Variants in TRPM8 observed in about 807,000 individuals in gnomAD.
TRPM8 encodes transient receptor potential cation channel subfamily M member 8, also known as TRPM8 cationic channel.
TRPM8 carries 110 observed loss-of-function variants against 133.7 expected under a neutral mutation model. The ratio of observed to expected loss-of-function variants is 0.82; its 90% CI spans 0.70 to 0.96. The LOEUF is 0.96. TRPM8 is among the 40% of genes least tolerant of loss of function. TRPM8 has a pLI of 0.00. For synonymous variants in TRPM8, 535 were observed against 532.3 expected (o/e 1.01, Z -0.07); for missense variants, 1,291 against 1,379.5 (o/e 0.94, Z 1.02).
chr2:233,987,883 T>C (rs1692185928), intron 21 of TRPM8, among the ~76,000 whole-genome samples: 2 of 152,122 alleles, frequency 1.3e-5, no homozygotes, highest in Non-Finnish European at 2.9e-5. Flanking sequence ...CCTGCTGCCA[T>C]CCACGTAAGA....
chr2:233,996,077 A>G (rs1692393283), intron 21 of TRPM8, among the ~76,000 whole-genome samples: 1 of 150,670 alleles, frequency 6.6e-6, no homozygotes, highest in African/African-American at 2.4e-5. Context: ...AAGTTTGTTG[A>G]GCATTTTTTT....
chr2:233,919,386 A>G (rs879722883), intron 1 of TRPM8, among the ~76,000 whole-genome samples: 2 of 152,146 alleles, frequency 1.3e-5, no homozygotes, highest in Non-Finnish European at 2.9e-5. Flanking sequence ...AATGTTGTTA[A>G]GATGACAATC....
At chr2:233,946,649 A>G (rs1211162755) in intron 7 of TRPM8, among the ~76,000 whole-genome samples, 1 of 152,244 alleles carries the variant, frequency 6.6e-6, no homozygotes, top group Non-Finnish European at 1.5e-5. Flanking sequence ...AATGTTGTCA[A>G]TTATTTTCCT....
chr2:233,947,679 G>T lies in TRPM8; in HGVS notation c.942+524G>T, dbSNP rs908635024. 17 of 1,130,906 alleles carry T rather than the reference G, an allele frequency of 1.5e-5. No individual in the cohort carries two copies. In the African/African-American group the frequency reaches 2.7e-4, roughly 18 times the overall value. 70.1% of individuals were successfully genotyped at this position (1,130,906 alleles called of 1,614,324 possible). On this transcript the variant is annotated intron_variant, in intron 8 of 25. Transcript: ENST00000324695. ...CCTGCAACACTGAGCAACTGAGCAA[G>T]AATTTGACTTCCCAGCCAATCTGTA... is the stretch of plus-strand genomic sequence containing the variant.
intron 12 of TRPM8, among the ~76,000 whole-genome samples, chr2:233,962,161 A>C (rs780178237): frequency 1.3e-5 from 2 of 152,210 alleles, no homozygotes; most frequent in Non-Finnish European, 2.9e-5. Flanking sequence ...TATTCACTTG[A>C]GACAATTTTG....
rs1691230232 is a variant in TRPM8 at position 233,953,923 on chromosome 2, G to C, written c.1147G>C (p.Glu383Gln). 6.2e-7 allele frequency: 1 copy of C among 1,611,048 alleles called. No individual in the cohort carries two copies. Among genetic ancestry groups the C allele is most frequent in the African/African-American group, 1.3e-5 (1 of 74,812 alleles). The change falls in exon 10 of 26, where the codon GAA becomes CAA. Residue 383 changes from glutamate to glutamine, a missense_variant. By Grantham distance (29) the Glu-to-Gln change is conservative (BLOSUM62 2). Coordinates refer to ENST00000324695, the MANE Select transcript of TRPM8 (RefSeq NM_024080.5). The part of the protein sequence containing the change: ...ETESWIKWLK[E>Q]ILECSHLLTV... ...TGTTCTTTAATTTCGCCAGCTCAAA[G>C]AAATTCTCGAATGTTCTCACCTATT...
intron 22 of TRPM8, among the ~76,000 whole-genome samples, chr2:234,003,135 T>C (rs1201277358): frequency 1.3e-5 from 2 of 152,212 alleles, no homozygotes; most frequent in Non-Finnish European, 2.9e-5. Flanking sequence ...TTACTTTAAA[T>C]ATTGATCATA....
chr2:233,988,222 A>G (rs1380460769), intron 21 of TRPM8, among the ~76,000 whole-genome samples: 1 of 151,938 alleles, frequency 6.6e-6, no homozygotes, highest in Admixed American at 6.6e-5. Context: ...TGCTTTGCAC[A>G]TACTTGTCCT....
At chr2:233,926,724 T>C in intron 2 of TRPM8, 70 bp downstream of exon 2, 1 of 1,190,060 alleles carries the variant, frequency 8.4e-7, no homozygotes, top group Non-Finnish European at 1.2e-6. Flanking sequence ...ATCCTGCATT[T>C]GCACATTGAC....
chr2:233,974,496 T>C (rs1443816363), intron 17 of TRPM8, among the ~76,000 whole-genome samples: 1 of 152,178 alleles, frequency 6.6e-6, no homozygotes, highest in African/African-American at 2.4e-5. Context: ...CCTCCCAAAG[T>C]GCCGGGATTA....
chr2:233,921,677 CTTTTTT>C (rs11373529), intron 1 of TRPM8, among the ~76,000 whole-genome samples: 1 of 106,660 alleles, frequency 9.4e-6, no homozygotes, highest in African/African-American at 3.8e-5. Context: ...CTTTTCTTTT[CTTTTTT>C]TTTTTTTTTT....
intron 17 of TRPM8, among the ~76,000 whole-genome samples, chr2:233,975,431 T>C (rs929902661): frequency 1.3e-5 from 2 of 152,188 alleles, no homozygotes; most frequent in Admixed American, 1.3e-4. Flanking sequence ...CTTCTCAGAA[T>C]GGTTGATGAA....
At chr2:234,002,723 G>A (rs6751169) in intron 22 of TRPM8, among the ~76,000 whole-genome samples, 6,523 of 152,270 alleles carry the variant, frequency 0.043, 275 homozygotes, top group African/African-American at 0.088. Context: ...GGGCAATTTG[G>A]AAGTGGGAAA....
In TRPM8 at chr2:234,008,082, A is replaced by G; in HGVS notation, c.3243A>G (p.Arg1081=). 6.2e-7 allele frequency: 1 copy of G among 1,602,226 alleles called. No homozygotes were observed. The highest frequency in any genetic ancestry group is 8.5e-7 in the Non-Finnish European group (1 of 1,176,976). ...AACTTCTTTGCAGAATGAGGCATCG[A>G]TTTAGACAACTGGATACAAAGGTAT... is the stretch of plus-strand genomic sequence containing the variant. ...ANDTSEEMRH[R]FRQLDTKLND... is the part of the protein sequence containing the mutation. The change falls in exon 24 of 26, where the codon CGA becomes CGG. Residue 1081 remains arginine (R), a synonymous_variant. Transcript: ENST00000324695.
chr2:233,956,429 C>T (rs750455633), intron 11 of TRPM8, among the ~76,000 whole-genome samples: 2 of 152,278 alleles, frequency 1.3e-5, no homozygotes, highest in African/African-American at 4.8e-5. Flanking sequence ...AACTAAAGTG[C>T]AGTCAGCCCT....
rs201156074 is a variant in TRPM8, at chr2:233,950,156, C to A, written c.1140+10C>A. On this transcript the variant is annotated intron_variant, in intron 9 of 25. Transcript: ENST00000324695. ...GAGTTGGATCAAATGGGTAAGTTGT[C>A]GGGACCATGTCTGAGGGCTGAGAAA... 3 of 1,610,222 alleles carry A rather than the reference C, an allele frequency of 1.9e-6. No homozygotes were observed. Among genetic ancestry groups the A allele is most frequent in the Admixed American group, 1.7e-5 (1 of 59,746 alleles).
chr2:233,942,459 C>T, intron 5 of TRPM8, 117 bp from the exon 6 acceptor site: 1 of 947,352 alleles, frequency 1.1e-6, no homozygotes, highest in Non-Finnish European at 1.7e-6. Context: ...GACATAGCTG[C>T]CAGTGCTGTG....
Position 233,921,648 on chromosome 2 carries a change from CTTTTTCT to C in TRPM8, c.-6+4228_-6+4234del, listed in dbSNP as rs988069832. ...TTTTCTTTTTTCTTTTCTTTTTTTT[CTTTTTCT>C]TTTTTCTTTTTCTTTTCTTTTCTTT... is the stretch of plus-strand genomic sequence containing the variant. On this transcript the variant is annotated intron_variant, in intron 1 of 25. Transcript: ENST00000324695. 6.5e-5 allele frequency among the ~76,000 whole-genome samples: 9 copies of C among 138,834 alleles called. No individual in the cohort carries two copies. The East Asian group carries it at 6.6e-4, about 10-fold the overall frequency. The allele number at this position is 138,834 out of a possible 152,430, so 91.1% of individuals were successfully genotyped here.
chr2:233,957,869 T>C (rs560218519), intron 11 of TRPM8, among the ~76,000 whole-genome samples: 1 of 152,372 alleles, frequency 6.6e-6, no homozygotes, highest in African/African-American at 2.4e-5. Context: ...AATGGTTCAG[T>C]GTTTACCGTT....
Sources: gnomAD v4.1 joint callset for allele counts (sites outside exome capture counted in the v4.1 genomes callset) on GRCh38, gnomAD v4.1.1 for gene constraint, MANE v1.5 for transcripts, NCBI Gene and HGNC (gene_info 2026-07-23, HGNC 2026-07-21) for gene names.